Variants in WDFY4 observed in about 807,000 individuals in gnomAD.
WDFY4 encodes the protein WD repeat- and FYVE domain-containing protein 4.
A neutral mutation model predicts 351.9 loss-of-function variants in WDFY4; 169 were observed. The observed-to-expected ratio is 0.48, with a 90% CI of 0.42 to 0.55. The LOEUF is 0.55. Ranked by LOEUF, WDFY4 falls within the 20% of genes least tolerant of loss-of-function variation. The pLI is 0.00. For missense variants in WDFY4, 3,803 were observed against 3,935.6 expected (o/e 0.97, Z 0.90); for synonymous variants, 1,622 against 1,574.6 (o/e 1.03, Z -0.71).
At chr10:48,907,555 A>G (rs140488959) in intron 47 of WDFY4, among the ~76,000 whole-genome samples, 134 of 152,332 alleles carry the variant, frequency 8.8e-4, no homozygotes, top group African/African-American at 3.1e-3. Context: ...AAAAATAATG[A>G]AAGACAAATA....
chr10:48,685,566 A>T (rs1454716406), intron 1 of WDFY4, among the ~76,000 whole-genome samples: 3 of 152,168 alleles, frequency 2.0e-5, no homozygotes, highest in Admixed American at 6.5e-5. Context: ...CACTTCCCTC[A>T]TCTGAATTAT....
intron 9 of WDFY4, among the ~76,000 whole-genome samples, chr10:48,733,155 T>C (rs571409072): frequency 6.6e-6 from 1 of 152,372 alleles, no homozygotes; most frequent in South Asian, 2.1e-4. Flanking sequence ...TGCTTTTAAA[T>C]GCAATTCCAG....
rs1340586763 is a variant in WDFY4, at chr10:48,727,660, G to A, written c.971+1G>A. 5 of 1,551,778 alleles carry A rather than the reference G, an allele frequency of 3.2e-6. No homozygotes were observed. Among genetic ancestry groups the A allele is most frequent in the Non-Finnish European group, 4.4e-6 (5 of 1,146,984 alleles). On this transcript the variant is annotated splice_donor_variant, in intron 7 of 61. Coordinates refer to ENST00000325239, the MANE Select transcript of WDFY4 (RefSeq NM_001394531.1). LOFTEE classifies it high-confidence loss of function. ...CTCTGCTGCTCAAAGTGTTACTTCG[G>A]TAAGTGGCTGTGTTTGGTACGGGGA...
At chr10:48,759,737 C>T (rs2065444084) in intron 12 of WDFY4, among the ~76,000 whole-genome samples, 1 of 152,174 alleles carries the variant, frequency 6.6e-6, no homozygotes. Context: ...ACCTTGTGCA[C>T]AGTTGCGAGT....
chr10:48,830,572 C>G, intron 37 of WDFY4, 128 bp from the exon 38 acceptor site: 1 of 1,039,828 alleles, frequency 9.6e-7, no homozygotes, highest in Non-Finnish European at 1.4e-6. Flanking sequence ...GCTTGCAAAG[C>G]TGGGGTGATG....
rs141090700 is a variant in WDFY4, at chr10:48,707,056, G to T, written c.-17-2660G>T. On this transcript the variant is annotated intron_variant, in intron 1 of 61. Transcript: ENST00000325239. ...AACTAACAAAGGACCAGCTTCTAGA[G>T]TATACTCTCATGAAGCAGCAAGAGA... 6.6e-3 allele frequency among the ~76,000 whole-genome samples: 1,003 copies of T among 152,220 alleles called. 10 individuals are homozygous for T. The highest frequency in any genetic ancestry group is 0.023 in the African/African-American group (958 of 41,510).
chr10:48,880,714 A>G (rs1170715581), intron 43 of WDFY4, among the ~76,000 whole-genome samples: 2 of 152,152 alleles, frequency 1.3e-5, no homozygotes, highest in Non-Finnish European at 2.9e-5. Context: ...GCCATTATCT[A>G]GGCATCCGTC....
At chr10:48,698,346 A>AGG (rs2063386796) in intron 1 of WDFY4, among the ~76,000 whole-genome samples, 1 of 152,176 alleles carries the variant, frequency 6.6e-6, no homozygotes, top group Non-Finnish European at 1.5e-5. Context: ...CCAGGGCTTG[A>AGG]AGCTTGTGGC....
intron 39 of WDFY4, among the ~76,000 whole-genome samples, chr10:48,846,711 T>C (rs1312031184): frequency 6.6e-6 from 1 of 152,222 alleles, no homozygotes; most frequent in East Asian, 1.9e-4. Flanking sequence ...GACTAACATA[T>C]TGGCTAGTCA....
chr10:48,963,728 A>G, intron 53 of WDFY4, 114 bp from the exon 54 acceptor site: 1 of 1,184,204 alleles, frequency 8.4e-7, no homozygotes, highest in South Asian at 1.5e-5. Context: ...CTCATCAATT[A>G]TCTCCTCTGT....
chr10:48,691,136 G>A lies in WDFY4; in HGVS notation c.-18+6135G>A, dbSNP rs572326884. Among the ~76,000 whole-genome samples, 6 of 152,268 alleles carry A rather than the reference G, an allele frequency of 3.9e-5. No homozygotes were observed. In the East Asian group the frequency reaches 1.2e-3, roughly 29 times the overall value. ...CTCACTGGGTCCAGGCCAGAATTTGGGACAGGGGCAACATCAACAGGAGCT... is the reference window on the plus strand; with the variant it reads ...CTCACTGGGTCCAGGCCAGAATTTGAGACAGGGGCAACATCAACAGGAGCT... On this transcript the variant is annotated intron_variant, in intron 1 of 61. Coordinates refer to ENST00000325239, the MANE Select transcript of WDFY4 (RefSeq NM_001394531.1).
Position 48,943,473 on chromosome 10 carries a change from C to G in WDFY4, c.7749+24C>G, listed in dbSNP as rs748528296. The stretch of plus-strand genomic sequence containing the variant: ...AGGTAAGTTCCTCACGTGGAAACCA[C>G]AGCTGCCCTCAGGTGTTCGGACGTT... On this transcript the variant is annotated intron_variant, in intron 49 of 61. Coordinates refer to ENST00000325239, the MANE Select transcript of WDFY4 (RefSeq NM_001394531.1). The G allele has an allele frequency of 3.7e-5, 57 of 1,548,604 alleles. No homozygotes were observed. In the South Asian group the frequency reaches 4.5e-4, roughly 12 times the overall value.
At chr10:48,784,342 A>G (rs1476831980) in intron 19 of WDFY4, among the ~76,000 whole-genome samples, 2 of 152,126 alleles carry the variant, frequency 1.3e-5, no homozygotes, top group East Asian at 1.9e-4. Flanking sequence ...TGCACTTAGC[A>G]TTGTCACTAT....
Position 48,743,070 on chromosome 10 carries a change from C to T in WDFY4, c.1981C>T (p.Leu661Phe). 1 of 1,551,682 alleles carries T rather than the reference C, an allele frequency of 6.4e-7. No homozygotes were observed. The highest frequency in any genetic ancestry group is 1.4e-5 in the African/African-American group (1 of 73,156). ...LSLLSDLEGS[L>F]QEPPLQAWGA... ...TCTGCTCTCTGACCTGGAAGGCTCC[C>T]TCCAGGAGCCCCCGCTGCAGGCATG... Residue 661 changes from leucine (L) to phenylalanine (F), a missense_variant, in exon 12 of 62, where the codon CTC becomes TTC. Physicochemically the swap from Leu to Phe is conservative, Grantham distance 22. Transcript: ENST00000325239.
rs2067312896 is a variant in WDFY4 at position 48,807,918 on chromosome 10, C to T, written c.4798C>T (p.Leu1600Phe). The T allele has an allele frequency of 6.4e-7, 1 of 1,551,230 alleles. No homozygotes were observed. Among genetic ancestry groups the T allele is most frequent in the Non-Finnish European group, 8.7e-7 (1 of 1,146,854 alleles). ...CAGAAACCAGTTGCTGGAGATGCTG[C>T]TCAGTGTAATATCTTCCCCCCAGCT... ...WLRNQLLEML[L>F]SVISSPQLHL... is the part of the protein sequence containing the mutation. The change falls in exon 28 of 62, where the codon CTC becomes TTC. Residue 1600 changes from leucine (L) to phenylalanine (F), a missense_variant. Coordinates refer to ENST00000325239, the MANE Select transcript of WDFY4 (RefSeq NM_001394531.1).
intron 12 of WDFY4, among the ~76,000 whole-genome samples, chr10:48,748,992 C>T (rs964648228): frequency 1.3e-5 from 2 of 152,164 alleles, no homozygotes; most frequent in East Asian, 1.9e-4. Context: ...GGTCCTGCTA[C>T]TTTATTTCTC....
intron 13 of WDFY4, among the ~76,000 whole-genome samples, chr10:48,770,471 T>C (rs745515667): frequency 6.6e-6 from 1 of 152,344 alleles, no homozygotes; most frequent in Non-Finnish European, 1.5e-5. Flanking sequence ...TTTTGGTTCA[T>C]ACAGACTGCA....
chr10:48,806,492 G>A (rs780203771), intron 27 of WDFY4, among the ~76,000 whole-genome samples: 5 of 152,130 alleles, frequency 3.3e-5, no homozygotes, highest in African/African-American at 1.2e-4. Flanking sequence ...TGCTTGGCAC[G>A]TGCTCTTCAC....
At chr10:48,845,754 G>A (rs949537128) in intron 39 of WDFY4, among the ~76,000 whole-genome samples, 2 of 152,308 alleles carry the variant, frequency 1.3e-5, no homozygotes, top group African/African-American at 4.8e-5. Context: ...AATAAAATAA[G>A]GAAATGAGAT....
Sources: allele counts gnomAD v4.1 joint callset (sites outside exome capture counted in the v4.1 genomes callset), GRCh38; gene constraint gnomAD v4.1.1; transcripts MANE v1.5; gene names NCBI Gene and HGNC (gene_info 2026-07-23, HGNC 2026-07-21).